BFSP1: variants seen among roughly 807,000 people sequenced by gnomAD.
BFSP1 encodes the protein beaded filament structural protein 1.
A neutral mutation model predicts 43.9 loss-of-function variants in BFSP1; 38 were observed. The observed-to-expected ratio is 0.87, with a 90% CI of 0.67 to 1.14. BFSP1 has a LOEUF of 1.14. BFSP1 is among the 50% of genes most tolerant of loss of function. The pLI, the probability that BFSP1 is intolerant of heterozygous loss-of-function variation, is 0.00. For missense variants in BFSP1, 850 were observed against 875.1 expected, an observed-to-expected ratio of 0.97 and a Z score of 0.36; for synonymous variants, 352 against 354.8, an observed-to-expected ratio of 0.99 and a Z score of 0.09.
At chr20:17,559,043 A>AT, upstream of BFSP1, 2 of 241,024 alleles carry the variant, frequency 8.3e-6, no homozygotes, top group Non-Finnish European at 1.6e-5. Context: ...AGAAGAGTAA[A>AT]GAAAAAAAAA....
intron 1 of BFSP1, among the ~76,000 whole-genome samples, chr20:17,564,368 A>C (rs978177096): frequency 6.6e-6 from 1 of 151,940 alleles, no homozygotes; most frequent in East Asian, 1.9e-4. Context: ...CTGGCTAAAA[A>C]AAAAAAAAAA....
Position 17,496,474 on chromosome 20 carries a change from C to T in BFSP1, c.1042+464G>A, listed in dbSNP as rs142422499. On this transcript the variant is annotated intron_variant, in intron 7 of 7. Transcript: ENST00000377873. ...GAGGGGAGAATGAGAGATGACTGAG[C>T]AGCCACTCTGCACTGGACACCATGT... Among the ~76,000 whole-genome samples, 1,002 of 152,312 alleles carry T rather than the reference C, an allele frequency of 6.6e-3. 19 individuals are homozygous for T. The highest frequency in any genetic ancestry group is 0.023 in the African/African-American group (942 of 41,576).
chr20:17,501,250 T>G (rs2269040), intron 5 of BFSP1, among the ~76,000 whole-genome samples: 8,537 of 152,318 alleles, frequency 0.056, 237 homozygotes, highest in Middle Eastern at 0.082. Flanking sequence ...ATTCCTTAAG[T>G]GAAAATGTAG....
At chr20:17,551,043 G>A (rs2034888752) in intron 1 of BFSP1, among the ~76,000 whole-genome samples, 1 of 152,208 alleles carries the variant, frequency 6.6e-6, no homozygotes, top group Non-Finnish European at 1.5e-5. Context: ...GGCGAGTGTG[G>A]TGGAGCCTTC....
chr20:17,548,517 A>T (rs141256713), intron 1 of BFSP1, among the ~76,000 whole-genome samples: 1 of 152,156 alleles, frequency 6.6e-6, no homozygotes, highest in Non-Finnish European at 1.5e-5. Context: ...GAATTGGGTG[A>T]ATTCCTCTCC....
intron 1 of BFSP1, among the ~76,000 whole-genome samples, chr20:17,556,857 T>C (rs2035000218): frequency 6.6e-6 from 1 of 151,722 alleles, no homozygotes; most frequent in Admixed American, 6.6e-5. Context: ...AACATTTTTT[T>C]CCCCTGATAA....
chr20:17,500,219 T>C (rs1424150210), intron 5 of BFSP1, among the ~76,000 whole-genome samples: 6 of 152,126 alleles, frequency 3.9e-5, no homozygotes, highest in Non-Finnish European at 8.8e-5. Flanking sequence ...GTCAGAGAAA[T>C]ACAGTACATT....
At chr20:17,499,141 T>G in intron 5 of BFSP1, 101 bp from the exon 6 acceptor site, 2 of 1,011,062 alleles carry the variant, frequency 2.0e-6, no homozygotes, top group Admixed American at 2.0e-5. Context: ...TGTTTTATGT[T>G]GTTTGTGTGT....
At chr20:17,498,728 C>T (rs2033715380) in intron 6 of BFSP1, 92 bp downstream of exon 6, 2 of 1,394,876 alleles carry the variant, frequency 1.4e-6, no homozygotes, top group South Asian at 1.3e-5. Flanking sequence ...GACACATGCC[C>T]ACTGCCTATA....
At chr20:17,540,277 T>C (rs1298838046) in intron 1 of BFSP1, among the ~76,000 whole-genome samples, 1 of 152,182 alleles carries the variant, frequency 6.6e-6, no homozygotes, top group Non-Finnish European at 1.5e-5. Context: ...CTGACTTCTA[T>C]GCCTTCATTT....
upstream of BFSP1, among the ~76,000 whole-genome samples, chr20:17,532,404 CAAAA>C (rs531941557): frequency 3.3e-5 from 2 of 61,342 alleles, no homozygotes; most frequent in Non-Finnish European, 7.2e-5. Flanking sequence ...GACTCCGTCT[CAAAA>C]AAAAAAAAAA....
At chr20:17,541,184 T>C in intron 1 of BFSP1, 3 of 881,136 alleles carry the variant, frequency 3.4e-6, no homozygotes, top group Non-Finnish European at 4.1e-6. Context: ...CTGGGCAACA[T>C]AGTGAGACCC....
rs368278596 is a variant in BFSP1 at position 17,498,435 on chromosome 20, G to A, written c.956+385C>T. Among the ~76,000 whole-genome samples, 6 of 152,296 alleles carry A rather than the reference G, an allele frequency of 3.9e-5. No individual in the cohort carries two copies. In the East Asian group the frequency reaches 5.8e-4, roughly 15 times the overall value. On this transcript the variant is annotated intron_variant, in intron 6 of 7. Transcript: ENST00000377873. ...TGAGTGCCCTCAAGTGCCAGGCTCC[G>A]TGCCACGTAGCTCACCTGCAGCACC...
chr20:17,531,198 C>T lies in BFSP1; in HGVS notation c.132G>A (p.Leu44=). Residue 44 remains leucine (L), a synonymous_variant, in exon 1 of 8, where the codon CTG becomes CTA. Transcript: ENST00000377873. ...CGGCCACGCGCTCGCCGAGCCCCTG[C>T]AGCGCCGCCAGGCTCGTTGCCCCAG... is the stretch of plus-strand genomic sequence containing the variant. ...GWAGATSLAA[L]QGLGERVAAH... 7.6e-7 allele frequency: 1 copy of T among 1,308,796 alleles called. No individual in the cohort carries two copies. Among genetic ancestry groups the T allele is most frequent in the Admixed American group, 3.8e-5 (1 of 26,452 alleles). 81.1% of individuals were successfully genotyped at this position (1,308,796 alleles called of 1,614,324 possible).
In BFSP1 at chr20:17,520,680, A is replaced by G. The variant is rs2034304171; in HGVS notation, c.438+4168T>C. Among the ~76,000 whole-genome samples, 4 of 151,910 alleles carry G rather than the reference A, an allele frequency of 2.6e-5. No individual in the cohort carries two copies. In the South Asian group the frequency reaches 8.3e-4, roughly 32 times the overall value. On this transcript the variant is annotated intron_variant, in intron 2 of 7. Transcript: ENST00000377873. The stretch of plus-strand genomic sequence containing the variant: ...CTTTGCTGTCTCTCCCTTTGCATTC[A>G]TCCTGACTCTTCCTCCACTCCTCTT...
upstream of BFSP1, among the ~76,000 whole-genome samples, chr20:17,531,664 T>A (rs2123539610): frequency 6.6e-6 from 1 of 152,292 alleles, no homozygotes; most frequent in Middle Eastern, 3.4e-3. Context: ...TTTTCACTGG[T>A]TCCACTGGGG....
intron 7 of BFSP1, 95 bp downstream of exon 7, chr20:17,496,843 A>T: frequency 8.9e-7 from 1 of 1,126,286 alleles, no homozygotes; most frequent in East Asian, 2.9e-5. Flanking sequence ...TTCCAGATGG[A>T]TCTGAAGCAA....
At position 17,506,618 on chromosome 20, in the gene BFSP1, A is replaced by G. The variant is rs537858884; in HGVS notation, c.735+2271T>C. On this transcript the variant is annotated intron_variant, in intron 5 of 7. Transcript: ENST00000377873. The stretch of plus-strand genomic sequence containing the variant: ...AGCTCACTGCAGCCTCAACCTCTCC[A>G]GGCTCAGGCAGTCCTCCCATGTCAG... 1.6e-3 allele frequency among the ~76,000 whole-genome samples: 239 copies of G among 148,626 alleles called. 1 individual carries two copies. The highest frequency in any genetic ancestry group is 5.6e-3 in the African/African-American group (226 of 40,098).
At chr20:17,530,905 G>A (rs2034519128) in intron 1 of BFSP1, 48 bp downstream of exon 1, 2 of 1,329,016 alleles carry the variant, frequency 1.5e-6, no homozygotes, top group South Asian at 1.9e-5. Flanking sequence ...CCGCGCCGCC[G>A]GGACGGCCCA....
Sources: gnomAD v4.1 joint callset for allele counts (sites outside exome capture counted in the v4.1 genomes callset) on GRCh38, gnomAD v4.1.1 for gene constraint, MANE v1.5 for transcripts, NCBI Gene and HGNC (gene_info 2026-07-23, HGNC 2026-07-21) for gene names.